Variants in GNA11 observed in about 807,000 individuals in gnomAD.
The protein encoded by GNA11 is guanine nucleotide-binding protein subunit alpha-11.
A neutral mutation model predicts 38.2 loss-of-function variants in GNA11; 8 were observed. That is an observed-to-expected ratio of 0.21 (90% confidence interval 0.12 to 0.38). The LOEUF (loss-of-function observed/expected upper bound fraction) is 0.38, where lower values mean the gene tolerates loss of function less well. GNA11 is among the 10% of genes least tolerant of loss of function. GNA11 has a pLI of 1.00. For missense variants in GNA11, 268 were observed against 516.3 expected (o/e 0.52, Z 4.66); for synonymous variants, 211 against 221.4 (o/e 0.95, Z 0.42).
chr19:3,118,847 G>T (rs1913990242), intron 4 of GNA11, 77 bp from the exon 5 acceptor site: 3 of 1,367,890 alleles, frequency 2.2e-6, no homozygotes, highest in East Asian at 4.6e-5. Flanking sequence ...GGAGGGGCTT[G>T]GGTGGGAGCC....
chr19:3,109,879 A>G (rs1030852699), intron 1 of GNA11, among the ~76,000 whole-genome samples: 5 of 152,164 alleles, frequency 3.3e-5, no homozygotes, highest in African/African-American at 9.7e-5. Flanking sequence ...AATACCAACA[A>G]TTGGCCCCCA....
chr19:3,121,533 TG>T lies in GNA11; in HGVS notation c.*357del. 1 of 236,506 alleles carries T rather than the reference TG, an allele frequency of 4.2e-6. No individual in the cohort carries two copies. The highest frequency in any genetic ancestry group is 1.6e-4 in the South Asian group (1 of 6,438). The allele number at this position is 236,506 out of a possible 1,614,324, so 14.7% of individuals were successfully genotyped here. A position where few individuals can be genotyped will look rare whatever the true frequency, so the allele number is the denominator to read the frequency against. On this transcript the variant is annotated 3_prime_UTR_variant, in exon 7 of 7. Coordinates refer to ENST00000078429, the MANE Select transcript of GNA11 (RefSeq NM_002067.5). ...AAGCGCCCCGTGCCCCCAGTGACTC[TG>T]GGCCTCACAGAGCCCCCGCCAGCCA...
At chr19:3,099,315 G>T (rs962056992) in intron 1 of GNA11, among the ~76,000 whole-genome samples, 2 of 152,198 alleles carry the variant, frequency 1.3e-5, no homozygotes, top group Non-Finnish European at 2.9e-5. Flanking sequence ...CAGCTTGTGC[G>T]TGGAGGATGG....
Position 3,120,483 on chromosome 19 carries a change from A to AG in GNA11, c.890-502dup, listed in dbSNP as rs1164953501. On this transcript the variant is annotated intron_variant, in intron 6 of 6. Coordinates refer to ENST00000078429, the MANE Select transcript of GNA11 (RefSeq NM_002067.5). This position sits in a 1 kb window ranked among gnomAD's most constrained non-coding sequence, Gnocchi z 5.9. ...TCGCCTGCATTGTCCAGGGTGGTGG[A>AG]GGGGCAGGGGTGGCCGGTGGGAAGC... Among the ~76,000 whole-genome samples, 1 of 96,952 alleles carries AG rather than the reference A, an allele frequency of 1.0e-5. No homozygotes were observed. The highest frequency in any genetic ancestry group is 2.6e-5 in the Non-Finnish European group (1 of 39,114). The allele number at this position is 96,952 out of a possible 152,430, so 63.6% of individuals were successfully genotyped here. A position where few individuals can be genotyped will look rare whatever the true frequency, so the allele number is the denominator to read the frequency against.
At chr19:3,095,329 C>T (rs376499800) in intron 1 of GNA11, among the ~76,000 whole-genome samples, 1 of 152,134 alleles carries the variant, frequency 6.6e-6, no homozygotes, top group African/African-American at 2.4e-5. Context: ...CCAGTCCCTC[C>T]CTGCACAGGG....
Position 3,113,518 on chromosome 19 carries a change from CGGCAGCTGCGGGCCG to C in GNA11, c.476+36_476+50del, listed in dbSNP as rs145870964. 0.021 allele frequency: 31,803 copies of C among 1,504,938 alleles called. 1,399 individuals carry two copies. The highest frequency in any genetic ancestry group is 0.18 in the African/African-American group (12,836 of 70,862). The allele number at this position is 1,504,938 out of a possible 1,614,324, so 93.2% of individuals were successfully genotyped here. ...GGCCGCACCGCTGGCGGCCTGGGGA[CGGCAGCTGCGGGCCG>C]GTGCCTGGGACCCTTCGGGAAGGCC... is the stretch of plus-strand genomic sequence containing the variant. On this transcript the variant is annotated intron_variant, in intron 3 of 6. Coordinates refer to ENST00000078429, the MANE Select transcript of GNA11 (RefSeq NM_002067.5).
intron 1 of GNA11, among the ~76,000 whole-genome samples, chr19:3,095,817 C>G (rs1423050698): frequency 2.6e-5 from 4 of 152,098 alleles, no homozygotes; most frequent in Non-Finnish European, 5.9e-5. Flanking sequence ...AGCAGCCCCC[C>G]ACCTGCCGGC....
At chr19:3,101,501 C>T (rs1242847545) in intron 1 of GNA11, among the ~76,000 whole-genome samples, 3 of 152,212 alleles carry the variant, frequency 2.0e-5, no homozygotes, top group Non-Finnish European at 2.9e-5. Context: ...CCACTGGATG[C>T]GGCGAGGGTT....
intron 1 of GNA11, among the ~76,000 whole-genome samples, chr19:3,101,360 C>T (rs1389708033): frequency 6.6e-6 from 1 of 152,114 alleles, no homozygotes; most frequent in African/African-American, 2.4e-5. Flanking sequence ...GTGCAGCCCC[C>T]ACGGCTGTGG....
At chr19:3,096,287 C>CTA (rs1913363742) in intron 1 of GNA11, among the ~76,000 whole-genome samples, 1 of 151,612 alleles carries the variant, frequency 6.6e-6, no homozygotes, top group African/African-American at 2.4e-5. Flanking sequence ...TTCCAGGGGG[C>CTA]CGCGGGTAGG....
In GNA11 at chr19:3,119,772, G is replaced by T. The variant is rs1419591910; in HGVS notation, c.889+413G>T. On this transcript the variant is annotated intron_variant, in intron 6 of 6. Transcript: ENST00000078429. The surrounding 1 kb of genome is among the most constrained non-coding windows in gnomAD (Gnocchi z 4.6). ...CTGTATAGGTGATCCCATATGGGAG[G>T]GGTCTCACAGGAAGGGTTCACGCAC... Among the ~76,000 whole-genome samples, 1 of 151,806 alleles carries T rather than the reference G, an allele frequency of 6.6e-6. No individual in the cohort carries two copies. Among genetic ancestry groups the T allele is most frequent in the Non-Finnish European group, 1.5e-5 (1 of 67,902 alleles).
At chr19:3,104,855 C>A (rs531101944) in intron 1 of GNA11, among the ~76,000 whole-genome samples, 6 of 152,232 alleles carry the variant, frequency 3.9e-5, no homozygotes, top group Non-Finnish European at 7.4e-5. Context: ...TCCTGAACGC[C>A]GGGCTCTTGG....
At chr19:3,114,157 G>A (rs1483009855) in intron 3 of GNA11, among the ~76,000 whole-genome samples, 1 of 152,142 alleles carries the variant, frequency 6.6e-6, no homozygotes, top group African/African-American at 2.4e-5. Context: ...TGTGTTCCCT[G>A]CCTCTGGGAG....
At chr19:3,104,821 T>C (rs1913598841) in intron 1 of GNA11, among the ~76,000 whole-genome samples, 1 of 152,210 alleles carries the variant, frequency 6.6e-6, no homozygotes, top group Non-Finnish European at 1.5e-5. Flanking sequence ...TCAAAGGGCC[T>C]GTGCTGTGGG....
In GNA11 at chr19:3,117,053, A is replaced by T. The variant is rs562159179; in HGVS notation, c.606-1871A>T. 3.9e-5 allele frequency: 6 copies of T among 152,440 alleles called. No individual in the cohort carries two copies. In the South Asian group the frequency reaches 8.3e-4, roughly 21 times the overall value. 9.4% of individuals were successfully genotyped at this position (152,440 alleles called of 1,614,324 possible). A position where few individuals can be genotyped will look rare whatever the true frequency, so the allele number is the denominator to read the frequency against. On this transcript the variant is annotated intron_variant, in intron 4 of 6. Coordinates refer to ENST00000078429, the MANE Select transcript of GNA11 (RefSeq NM_002067.5). ...AAGCCAAGGAATGCCAAGCTCTGGG[A>T]TGGTTCCCGGGGACCCGAGCAGGCG... is the stretch of plus-strand genomic sequence containing the variant.
rs1243817020 is a variant in GNA11 at position 3,119,970 on chromosome 19, G to C, written c.889+611G>C. Among the ~76,000 whole-genome samples, 1 of 151,934 alleles carries C rather than the reference G, an allele frequency of 6.6e-6. No homozygotes were observed. Among genetic ancestry groups the C allele is most frequent in the Non-Finnish European group, 1.5e-5 (1 of 67,948 alleles). On this transcript the variant is annotated intron_variant, in intron 6 of 6. Transcript: ENST00000078429. The surrounding 1 kb of genome is among the most constrained non-coding windows in gnomAD (Gnocchi z 4.6). ...ATGCCCAGCCCTCTCTGGGCCTGGG[G>C]ATGGCGGCCAGGGGAGGGTGTTGTG...
In GNA11 at chr19:3,110,002, G is replaced by A. The variant is rs1272270657; in HGVS notation, c.137-147G>A. 2.0e-5 allele frequency: 12 copies of A among 606,352 alleles called. No homozygotes were observed. The highest frequency in any genetic ancestry group is 8.5e-5 in the East Asian group (3 of 35,162). The allele number at this position is 606,352 out of a possible 1,614,324, so 37.6% of individuals were successfully genotyped here. On this transcript the variant is annotated intron_variant, in intron 1 of 6. Transcript: ENST00000078429. The surrounding 1 kb of genome is among the most constrained non-coding windows in gnomAD (Gnocchi z 5.4). ...ACTCTTTCCGAGGAGTCAGGAGGCC[G>A]TGGCGTCTGGTGGAGAGACGGTCAG...
chr19:3,098,975 C>T (rs1217806981), intron 1 of GNA11, among the ~76,000 whole-genome samples: 3 of 152,244 alleles, frequency 2.0e-5, no homozygotes, highest in Admixed American at 6.5e-5. Context: ...CGTTCCACAG[C>T]TGTGAGCTCC....
rs559204005 is a variant in GNA11 at position 3,119,426 on chromosome 19, T to G, written c.889+67T>G. The G allele has an allele frequency of 1.4e-6, 2 of 1,455,396 alleles. No individual in the cohort carries two copies. Among genetic ancestry groups the G allele is most frequent in the South Asian group, 1.2e-5 (1 of 81,054 alleles). The allele number at this position is 1,455,396 out of a possible 1,614,324, so 90.2% of individuals were successfully genotyped here. A position where few individuals can be genotyped will look rare whatever the true frequency, so the allele number is the denominator to read the frequency against. ...CCTTACTGGGGGGAGGGGGCTGATA[T>G]GGGAGAGGGGCTCATACAGGCCGGG... On this transcript the variant is annotated intron_variant, in intron 6 of 6. Transcript: ENST00000078429. The surrounding 1 kb of genome is among the most constrained non-coding windows in gnomAD (Gnocchi z 4.6).
Sources: gnomAD v4.1 joint callset for allele counts (sites outside exome capture counted in the v4.1 genomes callset) on GRCh38, gnomAD v4.1.1 for gene constraint, Gnocchi (gnomAD v3.1) non-coding constraint, MANE v1.5 for transcripts, NCBI Gene and HGNC (gene_info 2026-07-23, HGNC 2026-07-21) for gene names.